CA5A: variants seen among roughly 807,000 people sequenced by gnomAD.
CA5A encodes carbonic anhydrase 5A, also known as carbonic anhydrase 5A, mitochondrial.
In CA5A, 28 loss-of-function variants were observed where a neutral mutation model predicts 37.1. The ratio of observed to expected loss-of-function variants is 0.75; its 90% confidence interval spans 0.56 to 1.03. The LOEUF is 1.03. Among genes scored for constraint, CA5A ranks in the 50% least tolerant of loss-of-function variants. The pLI, the probability that CA5A is intolerant of heterozygous loss-of-function variation, is 0.00. For missense variants in CA5A, 444 were observed against 399.9 expected (o/e 1.11, Z -0.94); for synonymous variants, 171 against 158.4 (o/e 1.08, Z -0.60).
At chr16:87,910,365 C>T (rs59130399) in intron 2 of CA5A, among the ~76,000 whole-genome samples, 28,535 of 152,032 alleles carry the variant, frequency 0.19, 3,735 homozygotes, top group African/African-American at 0.37. Context: ...AATGGCCCTA[C>T]AGAGCAGGTC....
intron 2 of CA5A, among the ~76,000 whole-genome samples, chr16:87,914,066 C>T (rs936245919): frequency 6.6e-6 from 1 of 152,224 alleles, no homozygotes; most frequent in African/African-American, 2.4e-5. Context: ...AGGGCTGGGT[C>T]TGGGAAGGGT....
Position 87,891,836 on chromosome 16 carries a change from A to G in CA5A, c.737T>C (p.Ile246Thr). ...CACTTCAACGGGCTCCTTCTGGATG[A>G]TCCAGGTGACCGACTCGGTCAGCGG... ...TPPLTESVTWIIQKEPVEVAP... is the reference protein window; with the variant it reads ...TPPLTESVTWTIQKEPVEVAP... Residue 246 changes from isoleucine (I) to threonine (T), a missense_variant, in exon 6 of 7, where the codon ATC (isoleucine) becomes ACC (threonine). Physicochemically the swap from Ile to Thr is moderately conservative, Grantham distance 89 (BLOSUM62 -1). Coordinates refer to ENST00000649794, the MANE Select transcript of CA5A (RefSeq NM_001739.2). 6.3e-7 allele frequency: 1 copy of G among 1,576,400 alleles called. No individual in the cohort carries two copies. Among genetic ancestry groups the G allele is most frequent in the African/African-American group, 1.4e-5 (1 of 72,648 alleles).
intron 2 of CA5A, among the ~76,000 whole-genome samples, chr16:87,916,755 G>A (rs528571057): frequency 3.3e-5 from 5 of 152,150 alleles, no homozygotes; most frequent in Admixed American, 6.5e-5. Context: ...AGACCACACA[G>A]CACACAGGGG....
intron 5 of CA5A, among the ~76,000 whole-genome samples, chr16:87,899,626 A>G (rs942713736): frequency 1.3e-5 from 2 of 149,636 alleles, no homozygotes; most frequent in Non-Finnish European, 3.0e-5. Context: ...TAATTTCTCA[A>G]AGGTCTAACT....
intron 6 of CA5A, among the ~76,000 whole-genome samples, chr16:87,889,543 G>A (rs762307628): frequency 9.2e-5 from 14 of 152,040 alleles, no homozygotes; most frequent in Non-Finnish European, 1.8e-4. Context: ...GGAGGCCGAG[G>A]TGGGTGAATC....
chr16:87,900,202 G>A (rs1482120352), intron 5 of CA5A, among the ~76,000 whole-genome samples: 1 of 152,166 alleles, frequency 6.6e-6, no homozygotes. Context: ...GGGACCACCT[G>A]GTGTGGGAGG....
At chr16:87,931,111 ATTT>A (rs939722379) in intron 1 of CA5A, among the ~76,000 whole-genome samples, 1 of 125,894 alleles carries the variant, frequency 7.9e-6, no homozygotes. Context: ...TTGTCAAGTA[ATTT>A]TTTTTTTTTT....
At chr16:87,900,532 AC>A (rs1189121201) in intron 5 of CA5A, among the ~76,000 whole-genome samples, 2 of 152,086 alleles carry the variant, frequency 1.3e-5, no homozygotes, top group Non-Finnish European at 2.9e-5. Context: ...GCTTGCGTTG[AC>A]TCCTTCTGCC....
intron 2 of CA5A, among the ~76,000 whole-genome samples, chr16:87,914,818 T>C (rs2056109982): frequency 6.6e-6 from 1 of 152,134 alleles, no homozygotes; most frequent in Non-Finnish European, 1.5e-5. Flanking sequence ...CCCCTAAGTG[T>C]TTCCCTAGGC....
At chr16:87,928,755 TCTTTG>T (rs2056351876) in intron 1 of CA5A, among the ~76,000 whole-genome samples, 25 of 130,062 alleles carry the variant, frequency 1.9e-4, no homozygotes, top group African/African-American at 7.1e-4. Flanking sequence ...TATTTTCTTT[TCTTTG>T]TTTTTTTTTT....
rs557776920 is a variant in CA5A at position 87,926,817 on chromosome 16, A to G, written c.271T>C (p.Ser91Pro). The change falls in exon 2 of 7, where the codon TCC (serine) becomes CCC (proline). Residue 91 changes from serine (S) to proline (P), a missense_variant. Transcript: ENST00000649794. Reference sequence around the variant, plus strand: ...CCAGTGTTCCAGATGTACAGGCAGGATGCCGCTTCATAGGAGACCCTGAGT... The same window carrying G: ...CCAGTGTTCCAGATGTACAGGCAGGGTGCCGCTTCATAGGAGACCCTGAGT... ...KPLRVSYEAA[S>P]CLYIWNTGYL... 11 of 1,614,210 alleles carry G rather than the reference A, an allele frequency of 6.8e-6. No homozygotes were observed. The Admixed American group carries it at 1.7e-4, about 24-fold the overall frequency.
chr16:87,926,031 T>G (rs560439482), intron 2 of CA5A, among the ~76,000 whole-genome samples: 1 of 152,280 alleles, frequency 6.6e-6, no homozygotes, highest in Non-Finnish European at 1.5e-5. Context: ...GAGAGCAGCC[T>G]GGCCAACATG....
Position 87,903,000 on chromosome 16 carries a change from C to G in CA5A, c.460-480G>C, listed in dbSNP as rs530624503. 4.0e-5 allele frequency among the ~76,000 whole-genome samples: 6 copies of G among 151,872 alleles called. No individual in the cohort carries two copies. In the South Asian group the frequency reaches 6.2e-4, roughly 16 times the overall value. ...CACCTCTGAGCTCCCAGGCCCTTGA[C>G]GAAGCCACAGGAAGGAACAGCCTCA... On this transcript the variant is annotated intron_variant, in intron 3 of 6. Coordinates refer to ENST00000649794, the MANE Select transcript of CA5A (RefSeq NM_001739.2).
At chr16:87,932,700 G>T (rs1253207960) in intron 1 of CA5A, among the ~76,000 whole-genome samples, 1 of 151,964 alleles carries the variant, frequency 6.6e-6, no homozygotes, top group Non-Finnish European at 1.5e-5. Flanking sequence ...AAGACGCCAA[G>T]TCCCCTGCCC....
At chr16:87,885,204 AC>A (rs1207739630), downstream of CA5A, 11 of 171,926 alleles carry the variant, frequency 6.4e-5, no homozygotes, top group South Asian at 1.4e-4. Flanking sequence ...AACAACAACA[AC>A]AAAAAAAAGA....
intron 1 of CA5A, among the ~76,000 whole-genome samples, chr16:87,932,504 T>C (rs1301185217): frequency 1.3e-5 from 2 of 152,204 alleles, no homozygotes; most frequent in African/African-American, 4.8e-5. Flanking sequence ...ACCTGGATGC[T>C]GAATAGGCTT....
At chr16:87,910,268 A>G (rs1461289667) in intron 2 of CA5A, among the ~76,000 whole-genome samples, 2 of 152,212 alleles carry the variant, frequency 1.3e-5, no homozygotes, top group Non-Finnish European at 2.9e-5. Context: ...ACCAGAGTGC[A>G]GCGGAGGAGC....
chr16:87,925,303 C>T (rs569011625), intron 2 of CA5A, among the ~76,000 whole-genome samples: 14 of 152,252 alleles, frequency 9.2e-5, no homozygotes, highest in African/African-American at 3.1e-4. Flanking sequence ...ATCAGCCACG[C>T]GAAGAGGTGT....
At chr16:87,907,770 C>CA (rs1410702597) in intron 2 of CA5A, among the ~76,000 whole-genome samples, 2 of 152,080 alleles carry the variant, frequency 1.3e-5, no homozygotes, top group Non-Finnish European at 2.9e-5. Flanking sequence ...ACTAAAAATA[C>CA]AAAAAATTAG....
Sources: allele counts gnomAD v4.1 joint callset (sites outside exome capture counted in the v4.1 genomes callset), GRCh38; gene constraint gnomAD v4.1.1; transcripts MANE v1.5; gene names NCBI Gene and HGNC (gene_info 2026-07-23, HGNC 2026-07-21).